Variants in USP14 observed in about 807,000 individuals in gnomAD.
USP14 encodes ubiquitin carboxyl-terminal hydrolase 14.
Under a neutral mutation model 76.5 loss-of-function variants are expected in USP14, and 38 were observed. The ratio of observed to expected loss-of-function variants is 0.50; its 90% CI spans 0.38 to 0.65. The LOEUF is 0.65. USP14 is among the 30% of genes least tolerant of loss of function. The probability of loss-of-function intolerance (pLI) is 0.00; values close to 1 mark genes in which losing one functional copy is unlikely to be tolerated. For missense variants in USP14, 467 were observed against 586.5 expected (o/e 0.80, Z 2.10); for synonymous variants, 192 against 191.7 (o/e 1.00, Z -0.01).
intron 5 of USP14, among the ~76,000 whole-genome samples, chr18:189,616 G>A (rs1910031515): frequency 6.6e-6 from 1 of 152,026 alleles, no homozygotes; most frequent in Non-Finnish European, 1.5e-5. Flanking sequence ...CTGAGTAGCT[G>A]GGACTACAGG....
Position 174,068 on chromosome 18 carries a change from T to G in USP14, c.196-4865T>G, listed in dbSNP as rs184534679. Among the ~76,000 whole-genome samples, 2 of 152,232 alleles carry G rather than the reference T, an allele frequency of 1.3e-5. 1 individual carries two copies. The highest frequency in any genetic ancestry group is 1.3e-4 in the Admixed American group (2 of 15,292). ...TGTACATCTATTGCACATTTTTAGA[T>G]TCTGCTTGTCATTTTCTCCATAAGA... On this transcript the variant is annotated intron_variant, in intron 3 of 15. Transcript: ENST00000261601.
At chr18:174,976 A>G (rs886862552) in intron 3 of USP14, among the ~76,000 whole-genome samples, 4 of 151,934 alleles carry the variant, frequency 2.6e-5, no homozygotes, top group African/African-American at 4.8e-5. Context: ...GGGTTTTGCC[A>G]TGTTGGCCAG....
chr18:190,291 G>T (rs1910051501), intron 5 of USP14, among the ~76,000 whole-genome samples: 1 of 152,098 alleles, frequency 6.6e-6, no homozygotes, highest in Admixed American at 6.6e-5. Context: ...TTTCTGTTGG[G>T]TATATATGAG....
chr18:159,842 A>G (rs972360999), intron 1 of USP14, among the ~76,000 whole-genome samples: 2 of 152,226 alleles, frequency 1.3e-5, no homozygotes, highest in Non-Finnish European at 2.9e-5. Flanking sequence ...TTAAATATTT[A>G]ATCAGATCTT....
At chr18:173,311 CCA>C (rs1302483658) in intron 3 of USP14, among the ~76,000 whole-genome samples, 1 of 151,600 alleles carries the variant, frequency 6.6e-6, no homozygotes, top group Admixed American at 6.6e-5. Context: ...CGGGGTTTCA[CCA>C]TGTTAGCCAG....
At chr18:190,321 A>C (rs1180571077) in intron 5 of USP14, among the ~76,000 whole-genome samples, 1 of 152,174 alleles carries the variant, frequency 6.6e-6, no homozygotes, top group Non-Finnish European at 1.5e-5. Context: ...ATATGCACAA[A>C]ATATATATGA....
chr18:182,983 A>G (rs919419574), intron 5 of USP14, among the ~76,000 whole-genome samples: 2 of 152,204 alleles, frequency 1.3e-5, no homozygotes, highest in Admixed American at 1.3e-4. Context: ...GGAAGATTTT[A>G]AGCAGAGTAC....
In USP14 at chr18:213,343, CCTT is replaced by C. The variant is rs1335436755; in HGVS notation, c.*2060_*2062del. 8 of 141,698 alleles carry C rather than the reference CCTT, an allele frequency of 5.6e-5. No individual in the cohort carries two copies. The Admixed American group carries it at 5.7e-4, about 10-fold the overall frequency. 8.8% of individuals were successfully genotyped at this position (141,698 alleles called of 1,614,324 possible). A position where few individuals can be genotyped will look rare whatever the true frequency, so the allele number is the denominator to read the frequency against. ...AGAATTTTAAAAATTGTAATTAATTCCTTATCATCATTATAAAAAGCTTGATTT... is the reference window on the plus strand; with the variant it reads ...AGAATTTTAAAAATTGTAATTAATTCATCATCATTATAAAAAGCTTGATTT... On this transcript the variant is annotated 3_prime_UTR_variant, in exon 16 of 16. Transcript: ENST00000261601.
At position 180,001 on chromosome 18, in the gene USP14, CTT is replaced by C. The variant is rs553838156; in HGVS notation, c.301-234_301-233del. On this transcript the variant is annotated intron_variant, in intron 4 of 15. Coordinates refer to ENST00000261601, the MANE Select transcript of USP14 (RefSeq NM_005151.4). The stretch of plus-strand genomic sequence containing the variant: ...AAGGCAAGACTAGTATGATTATTCT[CTT>C]ATTATATTTAAGAAGGAAACTAAAA... Among the ~76,000 whole-genome samples the C allele has an allele frequency of 5.3e-5, 8 of 152,170 alleles. No homozygotes were observed. In the East Asian group the frequency reaches 1.3e-3, roughly 26 times the overall value.
intron 5 of USP14, among the ~76,000 whole-genome samples, chr18:182,284 T>A (rs1909808400): frequency 6.6e-6 from 1 of 152,244 alleles, no homozygotes; most frequent in Non-Finnish European, 1.5e-5. Context: ...TTTATACAAC[T>A]GTCTTGATAC....
intron 5 of USP14, among the ~76,000 whole-genome samples, chr18:183,275 G>T (rs1374772131): frequency 6.6e-5 from 10 of 150,768 alleles, no homozygotes; most frequent in Non-Finnish European, 1.5e-4. Flanking sequence ...TCTGATATCA[G>T]TCTTGATTTT....
chr18:206,811 G>T (rs1449655684), intron 13 of USP14, among the ~76,000 whole-genome samples: 1 of 152,188 alleles, frequency 6.6e-6, no homozygotes, highest in Admixed American at 6.5e-5. Context: ...TGAGGCAGGA[G>T]AATCGCTTGA....
intron 3 of USP14, among the ~76,000 whole-genome samples, chr18:174,197 T>C (rs746263779): frequency 5.3e-5 from 8 of 152,196 alleles, no homozygotes; most frequent in Non-Finnish European, 7.3e-5. Context: ...CTTTCCTTTA[T>C]TTAAATGTTC....
At position 204,542 on chromosome 18, in the gene USP14, T is replaced by G. The variant is rs746602009; in HGVS notation, c.1036-22T>G. The G allele has an allele frequency of 7.1e-6, 11 of 1,538,514 alleles. No homozygotes were observed. In the African/African-American group the frequency reaches 1.5e-4, roughly 21 times the overall value. On this transcript the variant is annotated intron_variant, in intron 12 of 15. Coordinates refer to ENST00000261601, the MANE Select transcript of USP14 (RefSeq NM_005151.4). ...ATCTTTATAAATGTGTTTACACATGTTTTTTGTTTGTTTGTATATAGGATG... is the reference window on the plus strand; with the variant it reads ...ATCTTTATAAATGTGTTTACACATGGTTTTTGTTTGTTTGTATATAGGATG...
chr18:184,636 GGTGT>G (rs1048591303), intron 5 of USP14, among the ~76,000 whole-genome samples: 4 of 152,174 alleles, frequency 2.6e-5, no homozygotes, highest in Admixed American at 2.6e-4. Context: ...CAGGCATGGT[GGTGT>G]GTGCCTGTAG....
In USP14 at chr18:169,466, T is replaced by C. The variant is rs191816989; in HGVS notation, c.195+2647T>C. Among the ~76,000 whole-genome samples, 56 of 151,486 alleles carry C rather than the reference T, an allele frequency of 3.7e-4. 1 individual carries two copies. In the East Asian group the frequency reaches 9.6e-3, roughly 26 times the overall value. On this transcript the variant is annotated intron_variant, in intron 3 of 15. Coordinates refer to ENST00000261601, the MANE Select transcript of USP14 (RefSeq NM_005151.4). ...CATTTTGTTAAGTGTTTTTTCTGTT[T>C]GTTAAAATGATGGTGTGATTTTTTT... is the stretch of plus-strand genomic sequence containing the variant.
chr18:208,037 G>A (rs1910574937), intron 13 of USP14, among the ~76,000 whole-genome samples: 1 of 151,940 alleles, frequency 6.6e-6, no homozygotes, highest in African/African-American at 2.4e-5. Flanking sequence ...GATAGAATTG[G>A]TGGAACAGTC....
At chr18:162,090 G>A (rs976636377) in intron 1 of USP14, among the ~76,000 whole-genome samples, 1 of 152,144 alleles carries the variant, frequency 6.6e-6, no homozygotes, top group African/African-American at 2.4e-5. Context: ...TTTTAAGGTT[G>A]AATAATATTC....
intron 1 of USP14, among the ~76,000 whole-genome samples, chr18:159,828 T>C (rs2144201133): frequency 6.6e-6 from 1 of 152,354 alleles, no homozygotes; most frequent in East Asian, 1.9e-4. Context: ...ATTTGAGCTT[T>C]ATCTTAAATA....
Sources: allele counts gnomAD v4.1 joint callset (sites outside exome capture counted in the v4.1 genomes callset), GRCh38; gene constraint gnomAD v4.1.1; transcripts MANE v1.5; gene names NCBI Gene and HGNC (gene_info 2026-07-23, HGNC 2026-07-21).